The following ARV1 variants were observed in gnomAD, a reference collection of about 807,000 sequenced individuals.
ARV1 encodes protein ARV1.
Under a neutral mutation model 31.1 loss-of-function variants are expected in ARV1, and 26 were observed. The observed-to-expected ratio is 0.84, with a 90% CI of 0.61 to 1.16. The LOEUF (loss-of-function observed/expected upper bound fraction) is 1.16, where lower values mean the gene tolerates loss of function less well. ARV1 is among the 50% of genes most tolerant of loss of function. The pLI is 0.00. For missense variants in ARV1, 281 were observed against 324.9 expected (o/e 0.86, Z 1.04); for synonymous variants, 117 against 123.2 (o/e 0.95, Z 0.34).
chr1:230,984,015 A>G (rs910779418), intron 1 of ARV1, among the ~76,000 whole-genome samples: 1 of 152,226 alleles, frequency 6.6e-6, no homozygotes, highest in Non-Finnish European at 1.5e-5. Context: ...ATCGCAGATC[A>G]CTTGAGGTCA....
chr1:230,998,677 A>C (rs1679438650), intron 5 of ARV1, among the ~76,000 whole-genome samples: 1 of 151,980 alleles, frequency 6.6e-6, no homozygotes, highest in Non-Finnish European at 1.5e-5. Flanking sequence ...AGGCCGAGTC[A>C]GGAAGATGGC....
intron 1 of ARV1, among the ~76,000 whole-genome samples, chr1:230,984,391 T>C (rs1017769392): frequency 1.3e-5 from 2 of 151,384 alleles, no homozygotes; most frequent in African/African-American, 2.4e-5. Flanking sequence ...TGTGTGTGTG[T>C]GTGTGTGTGT....
chr1:230,995,607 A>T (rs1291447154), intron 3 of ARV1, among the ~76,000 whole-genome samples, 153 bp from the exon 4 acceptor site: 1 of 151,666 alleles, frequency 6.6e-6, no homozygotes, highest in Non-Finnish European at 1.5e-5. Context: ...ACACACAAAC[A>T]AAAAGAAGAA....
Position 230,988,441 on chromosome 1 carries a change from T to C in ARV1, c.294+2T>C. ...ATTCTTTTCAATACTCAAATAAATGTAAGTTGTGATAATTTCATTTTTTAA... is the reference window on the plus strand; with the variant it reads ...ATTCTTTTCAATACTCAAATAAATGCAAGTTGTGATAATTTCATTTTTTAA... On this transcript the variant is annotated splice_donor_variant, in intron 2 of 5. Transcript: ENST00000310256. LOFTEE classifies it high-confidence loss of function. 6.6e-7 allele frequency: 1 copy of C among 1,517,372 alleles called. No homozygotes were observed. Among genetic ancestry groups the C allele is most frequent in the Non-Finnish European group, 8.9e-7 (1 of 1,129,322 alleles). 94.0% of individuals were successfully genotyped at this position (1,517,372 alleles called of 1,614,324 possible).
At position 230,997,119 on chromosome 1, in the gene ARV1, A is replaced by T. The variant is rs1192627743; in HGVS notation, c.674-2A>T. Reference sequence around the variant, plus strand: ...ACTTATTGGCTGCCTTCTCCTTTCCAGTGACCCTAAACATCAACCGTAAGC... The same window carrying T: ...ACTTATTGGCTGCCTTCTCCTTTCCTGTGACCCTAAACATCAACCGTAAGC... On this transcript the variant is annotated splice_acceptor_variant, in intron 4 of 5. Transcript: ENST00000310256. LOFTEE classifies it high-confidence loss of function. The T allele has an allele frequency of 6.2e-7, 1 of 1,613,428 alleles. No homozygotes were observed. Among genetic ancestry groups the T allele is most frequent in the Admixed American group, 1.7e-5 (1 of 59,828 alleles).
At chr1:230,986,173 C>T (rs181073344) in intron 1 of ARV1, among the ~76,000 whole-genome samples, 2 of 152,120 alleles carry the variant, frequency 1.3e-5, no homozygotes, top group South Asian at 2.1e-4. Context: ...CCACCTGCCT[C>T]GGACTCCCAA....
intron 2 of ARV1, 67 bp from the exon 3 acceptor site, chr1:230,990,041 CTG>C: frequency 1.4e-6 from 2 of 1,461,678 alleles, no homozygotes; most frequent in Non-Finnish European, 1.8e-6. Context: ...CACAAATACT[CTG>C]TACCTGTTGA....
chr1:230,988,926 C>T lies in ARV1; in HGVS notation c.294+487C>T, dbSNP rs537218070. 3.5e-3 allele frequency among the ~76,000 whole-genome samples: 532 copies of T among 152,082 alleles called. 2 individuals carry two copies. Among genetic ancestry groups the T allele is most frequent in the South Asian group, 8.7e-3 (42 of 4,826 alleles). On this transcript the variant is annotated intron_variant, in intron 2 of 5. Coordinates refer to ENST00000310256, the MANE Select transcript of ARV1 (RefSeq NM_022786.3). The stretch of plus-strand genomic sequence containing the variant: ...ATAAAGTTGAATTTTTCAAAATAAA[C>T]TTTTAGTTTATTGAATTGTGAGCTC...
At chr1:230,996,952 C>G (rs186866192) in intron 4 of ARV1, among the ~76,000 whole-genome samples, 169 bp from the exon 5 acceptor site, 1 of 152,050 alleles carries the variant, frequency 6.6e-6, no homozygotes, top group Non-Finnish European at 1.5e-5. Context: ...CTTTGGTTCT[C>G]TAAAAATGTG....
chr1:230,996,972 A>G, intron 4 of ARV1, 149 bp from the exon 5 acceptor site: 1 of 898,166 alleles, frequency 1.1e-6, no homozygotes, highest in Non-Finnish European at 1.6e-6. Flanking sequence ...GTAGATGGAA[A>G]AGTGGGAGAA....
At chr1:230,990,605 A>C (rs1184348214) in intron 3 of ARV1, 1 of 302,712 alleles carries the variant, frequency 3.3e-6, no homozygotes, top group Non-Finnish European at 6.5e-6. Flanking sequence ...CCTAGGCTGG[A>C]GTGCAGTGGC....
chr1:230,990,979 T>C (rs1679213670), intron 3 of ARV1, among the ~76,000 whole-genome samples: 1 of 152,232 alleles, frequency 6.6e-6, no homozygotes, highest in African/African-American at 2.4e-5. Flanking sequence ...ATTGTACTAA[T>C]TGCATTATAC....
chr1:230,983,412 CAA>C (rs386369944), intron 1 of ARV1, among the ~76,000 whole-genome samples: 12 of 106,388 alleles, frequency 1.1e-4, no homozygotes, highest in African/African-American at 1.4e-4. Flanking sequence ...GACTCCGTCT[CAA>C]AAAAAAAAAA....
chr1:230,984,707 CAAAAGAAGCAAA>C, intron 1 of ARV1, among the ~76,000 whole-genome samples: 1 of 152,064 alleles, frequency 6.6e-6, no homozygotes. Context: ...ATGCAAGAAT[CAAAAGAAGCAAA>C]ATGGTTACAG....
Position 230,990,011 on chromosome 1 carries a change from A to G in ARV1, c.295-99A>G, listed in dbSNP as rs759076143. 2.8e-5 allele frequency: 35 copies of G among 1,271,414 alleles called. No homozygotes were observed. In the Admixed American group the frequency reaches 7.3e-4, roughly 26 times the overall value. The allele number at this position is 1,271,414 out of a possible 1,614,324, so 78.8% of individuals were successfully genotyped here. ...CTTAATTGGGCAGTCCTGAATTTGA[A>G]AAGTGACTAGGTGGGATGCCACAAA... On this transcript the variant is annotated intron_variant, in intron 2 of 5. Coordinates refer to ENST00000310256, the MANE Select transcript of ARV1 (RefSeq NM_022786.3).
At chr1:230,984,991 G>A (rs1376880941) in intron 1 of ARV1, among the ~76,000 whole-genome samples, 1 of 152,172 alleles carries the variant, frequency 6.6e-6, no homozygotes, top group Non-Finnish European at 1.5e-5. Context: ...TGGGTAATGA[G>A]CCCTTAGTGT....
rs770682553 is a variant in ARV1, at chr1:230,979,147, G to A, written c.42G>A (p.Gly14=). The A allele has an allele frequency of 1.2e-6, 2 of 1,612,032 alleles. No individual in the cohort carries two copies. The highest frequency in any genetic ancestry group is 2.7e-5 in the African/African-American group (2 of 74,978). Residue 14 remains glycine (G), a synonymous_variant, in exon 1 of 6, where the codon GGG becomes GGA. Coordinates refer to ENST00000310256, the MANE Select transcript of ARV1 (RefSeq NM_022786.3). ...GGAGCGGCCTGCAGCAGGGGAAGGG[G>A]AACGTGGATGGGGTGGCAGCGACTC... is the stretch of plus-strand genomic sequence containing the variant. ...GGRSGLQQGK[G]NVDGVAATPT...
At chr1:230,996,160 A>G (rs1358242967) in intron 4 of ARV1, among the ~76,000 whole-genome samples, 176 bp downstream of exon 4, 3 of 152,228 alleles carry the variant, frequency 2.0e-5, no homozygotes, top group Non-Finnish European at 4.4e-5. Flanking sequence ...AGTGTTTGTT[A>G]CATTTAACCA....
chr1:230,984,359 T>TGTGTGC (rs71179756), intron 1 of ARV1, among the ~76,000 whole-genome samples: 4 of 93,448 alleles, frequency 4.3e-5, no homozygotes, highest in Non-Finnish European at 8.9e-5. Flanking sequence ...TGTGTGTGTG[T>TGTGTGC]GTGCGTGTGT....
Sources: allele counts gnomAD v4.1 joint callset (sites outside exome capture counted in the v4.1 genomes callset), GRCh38; gene constraint gnomAD v4.1.1; transcripts MANE v1.5; gene names NCBI Gene and HGNC (gene_info 2026-07-23, HGNC 2026-07-21).